XG: variants seen among roughly 807,000 people sequenced by gnomAD.
XG encodes the protein Xg glycoprotein (Xg blood group).
In XG, 24 loss-of-function variants were observed where a neutral mutation model predicts 25.7. That is an observed-to-expected ratio of 0.93 (90% CI 0.68 to 1.31). The LOEUF (loss-of-function observed/expected upper bound fraction) is 1.31, where lower values mean the gene tolerates loss of function less well. Ranked by LOEUF, XG falls within the 40% of genes most tolerant of loss-of-function variation. The pLI, the probability that XG is intolerant of heterozygous loss-of-function variation, is 0.00. For missense variants in XG, 181 were observed against 187.6 expected (o/e 0.96, Z 0.21); for synonymous variants, 77 against 69.2 (o/e 1.11, Z -0.56).
At chrX:2,759,183 G>T (rs778857444) in intron 1 of XG, among the ~76,000 whole-genome samples, 1 of 152,178 alleles carries the variant, frequency 6.6e-6, no homozygotes, top group South Asian at 2.1e-4. Flanking sequence ...CACTGGGATG[G>T]GTGTTCTCGC....
At chrX:2,757,392 CG>C (rs2050458252) in intron 1 of XG, among the ~76,000 whole-genome samples, 2 of 150,384 alleles carry the variant, frequency 1.3e-5, no homozygotes, top group African/African-American at 4.9e-5. Flanking sequence ...GGCTTGAGGG[CG>C]GGGCCTTTGC....
chrX:2,768,274 T>C (rs1175449286), intron 1 of XG, among the ~76,000 whole-genome samples: 1 of 152,046 alleles, frequency 6.6e-6, no homozygotes, highest in Admixed American at 6.6e-5. Flanking sequence ...GTGAAAGATA[T>C]TGGTCAACGG....
intron 7 of XG, among the ~76,000 whole-genome samples, chrX:2,798,062 A>G: frequency 9.0e-6 from 1 of 111,121 alleles, no homozygotes; most frequent in Non-Finnish European, 1.9e-5. Context: ...GAAAAAGAAA[A>G]GAAAAGAAAA....
chrX:2,774,643 G>A (rs901956194), intron 2 of XG, 73 bp from the exon 3 acceptor site: 133 of 1,550,250 alleles, frequency 8.6e-5, no homozygotes, highest in Admixed American at 1.3e-4. Flanking sequence ...TCATCAGGGC[G>A]TTCATGGCCT....
intron 4 of XG, among the ~76,000 whole-genome samples, chrX:2,784,774 C>G: frequency 9.0e-6 from 1 of 111,155 alleles, no homozygotes; most frequent in Non-Finnish European, 1.9e-5. Flanking sequence ...ATGCTTGTCC[C>G]AACAAAGAGG....
intron 3 of XG, 136 bp downstream of exon 3, chrX:2,774,875 T>C (rs2050941124): frequency 8.5e-7 from 1 of 1,182,360 alleles, no homozygotes; most frequent in Non-Finnish European, 1.2e-6. Context: ...TAGCAGATAT[T>C]GAAAGCAAAA....
intron 7 of XG, among the ~76,000 whole-genome samples, chrX:2,801,884 T>A (rs1179666907): frequency 9.1e-6 from 1 of 109,681 alleles, no homozygotes; most frequent in Non-Finnish European, 1.9e-5. Flanking sequence ...ATTTTTTCTA[T>A]TTTTAGTAGA....
At chrX:2,792,048 C>T (rs1188188795) in intron 5 of XG, among the ~76,000 whole-genome samples, 1 of 110,672 alleles carries the variant, frequency 9.0e-6, no homozygotes, top group Non-Finnish European at 1.9e-5. Context: ...TTTGGGAGGC[C>T]GAAGTGGGAA....
chrX:2,789,163 C>T (rs2086812847), intron 4 of XG, among the ~76,000 whole-genome samples: 1 of 109,065 alleles, frequency 9.2e-6, no homozygotes, highest in Admixed American at 9.9e-5. Flanking sequence ...CCTAGGAACT[C>T]GAGGCTGCGG....
intron 1 of XG, among the ~76,000 whole-genome samples, chrX:2,767,744 G>A (rs1210610914): frequency 6.6e-6 from 1 of 152,184 alleles, no homozygotes; most frequent in Non-Finnish European, 1.5e-5. Flanking sequence ...CTGCCTGGGA[G>A]ATAGATTTGC....
intron 3 of XG, among the ~76,000 whole-genome samples, chrX:2,781,336 C>G (rs972515915): frequency 1.1e-4 from 17 of 151,606 alleles, no homozygotes; most frequent in Non-Finnish European, 2.2e-4. Context: ...TTTGAAGGAA[C>G]TCTGCAAACC....
intron 2 of XG, 94 bp from the exon 3 acceptor site, chrX:2,774,622 C>A: frequency 7.1e-7 from 1 of 1,400,448 alleles, no homozygotes. Flanking sequence ...TTGTCACTCC[C>A]TTTTCACCTT....
At chrX:2,768,734 C>T (rs1222412749) in intron 1 of XG, among the ~76,000 whole-genome samples, 1 of 152,136 alleles carries the variant, frequency 6.6e-6, no homozygotes, top group South Asian at 2.1e-4. Context: ...TGCCACTGCA[C>T]TCCAGCCTAG....
At chrX:2,789,780 TTA>T in intron 5 of XG, 74 bp downstream of exon 5, 1 of 449,227 alleles carries the variant, frequency 2.2e-6, no homozygotes, top group South Asian at 1.0e-4. Context: ...TGATTCTATG[TTA>T]TTTTACTTTA....
In XG at chrX:2,794,995, T is replaced by G. The variant is rs2086870270; in HGVS notation, c.322+392T>G. On this transcript the variant is annotated intron_variant, in intron 6 of 10. Coordinates refer to ENST00000644266, the MANE Select transcript of XG (RefSeq NM_001141919.2). The stretch of plus-strand genomic sequence containing the variant: ...ATAGATGTTTATGTATCTTTATATT[T>G]GTGTGTATATATGCTTTTAAATATA... Among the ~76,000 whole-genome samples the G allele has an allele frequency of 4.5e-5, 5 of 111,623 alleles. No homozygotes were observed. The Admixed American group carries it at 4.8e-4, about 11-fold the overall frequency.
chrX:2,814,606 A>T lies in XG; in HGVS notation c.*226A>T. ...GCTAGACCCTGCGTTCTAAAAAAGG[A>T]TTGCTTGCAATGTTGGTTTGGCTAT... On this transcript the variant is annotated 3_prime_UTR_variant, in exon 11 of 11. Coordinates refer to ENST00000644266, the MANE Select transcript of XG (RefSeq NM_001141919.2). 2.5e-6 allele frequency: 1 copy of T among 392,834 alleles called. No individual in the cohort carries two copies. The allele number at this position is 392,834 out of a possible 1,213,427, so 32.4% of individuals were successfully genotyped here.
At position 2,767,429 on chromosome X, in the gene XG, T is replaced by G. The variant is rs573654247; in HGVS notation, c.62-3121T>G. ...GTCCCAGCACAAAATGAGGCTGCTT[T>G]CTTCTTGGGGGTTTAGGGATCCCAG... is the stretch of plus-strand genomic sequence containing the variant. On this transcript the variant is annotated intron_variant, in intron 1 of 10. Coordinates refer to ENST00000644266, the MANE Select transcript of XG (RefSeq NM_001141919.2). Among the ~76,000 whole-genome samples the G allele has an allele frequency of 2.6e-5, 4 of 152,188 alleles. No homozygotes were observed. The South Asian group carries it at 8.3e-4, about 32-fold the overall frequency.
intron 6 of XG, among the ~76,000 whole-genome samples, chrX:2,794,833 G>A (rs973288980): frequency 1.8e-5 from 2 of 112,077 alleles, no homozygotes; most frequent in African/African-American, 6.5e-5. Flanking sequence ...GAAACAAAAT[G>A]AACAGGCAGA....
intron 1 of XG, among the ~76,000 whole-genome samples, chrX:2,754,383 A>G (rs1268730935): frequency 6.6e-6 from 1 of 152,182 alleles, no homozygotes; most frequent in Non-Finnish European, 1.5e-5. Context: ...TACAGGCATC[A>G]GCCACCATAC....
Sources: allele counts gnomAD v4.1 joint callset (sites outside exome capture counted in the v4.1 genomes callset), GRCh38; gene constraint gnomAD v4.1.1; transcripts MANE v1.5; gene names NCBI Gene and HGNC (gene_info 2026-07-23, HGNC 2026-07-21).